The following GJA1 variants were observed in gnomAD, a reference collection of about 807,000 sequenced individuals.
The protein encoded by GJA1 is gap junction alpha-1 protein.
Under a neutral mutation model 31.0 loss-of-function variants are expected in GJA1, and 9 were observed. The observed-to-expected ratio is 0.29, with a 90% CI of 0.17 to 0.51. The LOEUF is 0.51. Ranked by LOEUF, GJA1 falls within the 20% of genes least tolerant of loss-of-function variation. The pLI is 0.98. For missense variants in GJA1, 278 were observed against 468.8 expected, an observed-to-expected ratio of 0.59 and a Z score of 3.76; for synonymous variants, 186 against 180.1, an observed-to-expected ratio of 1.03 and a Z score of -0.26.
chr6:121,447,048 C>T lies in GJA1; in HGVS notation c.201C>T (p.Asp67=), dbSNP rs1282411388. ...CTGGTTGTGAAAATGTCTGCTATGA[C>T]AAGTCTTTCCCAATCTCTCATGTGC... The part of the protein sequence containing the change: ...QQPGCENVCY[D]KSFPISHVRF... Residue 67 remains aspartate, a synonymous_variant, in exon 2 of 2, where the codon GAC becomes GAT. Transcript: ENST00000282561. 4 of 1,613,326 alleles carry T rather than the reference C, an allele frequency of 2.5e-6. No homozygotes were observed. The African/African-American group carries it at 5.3e-5, about 22-fold the overall frequency.
At chr6:121,438,685 A>G (rs991681440) in intron 1 of GJA1, among the ~76,000 whole-genome samples, 2 of 152,212 alleles carry the variant, frequency 1.3e-5, no homozygotes, top group Admixed American at 1.3e-4. Context: ...CGCACACACC[A>G]GTTCAACTCT....
rs140144121 is a variant in GJA1, at chr6:121,447,565, G to A, written c.718G>A (p.Val240Ile). Residue 240 changes from valine (V) to isoleucine (I), a missense_variant, in exon 2 of 2, where the codon GTT becomes ATT. By Grantham distance (29) the Val-to-Ile change is conservative. Coordinates refer to ENST00000282561, the MANE Select transcript of GJA1 (RefSeq NM_000165.5). ...TTTCTTCAAGGGCGTTAAGGATCGG[G>A]TTAAGGGAAAGAGCGACCCTTACCA... Reference protein sequence around the residue: ...YVFFKGVKDRVKGKSDPYHAT... With the variant: ...YVFFKGVKDRIKGKSDPYHAT... 11 of 1,613,850 alleles carry A rather than the reference G, an allele frequency of 6.8e-6. No homozygotes were observed. Among genetic ancestry groups the A allele is most frequent in the African/African-American group, 2.7e-5 (2 of 74,870 alleles).
chr6:121,438,763 A>T (rs1383585238), intron 1 of GJA1, among the ~76,000 whole-genome samples: 2 of 152,224 alleles, frequency 1.3e-5, no homozygotes, highest in Non-Finnish European at 2.9e-5. Context: ...TTCAAGTTTT[A>T]AAAAATCTCC....
intron 1 of GJA1, among the ~76,000 whole-genome samples, chr6:121,436,428 C>G (rs949918349): frequency 1.3e-5 from 2 of 152,074 alleles, no homozygotes; most frequent in African/African-American, 4.8e-5. Context: ...CTAGAATTTT[C>G]CCCATTAAAC....
At chr6:121,437,218 G>C (rs922944830) in intron 1 of GJA1, among the ~76,000 whole-genome samples, 1 of 152,170 alleles carries the variant, frequency 6.6e-6, no homozygotes, top group African/African-American at 2.4e-5. Flanking sequence ...TCAGGTCCGA[G>C]TTCGTCACTG....
chr6:121,445,688 T>C (rs1209715319), intron 1 of GJA1, among the ~76,000 whole-genome samples: 4 of 152,200 alleles, frequency 2.6e-5, no homozygotes, highest in Non-Finnish European at 4.4e-5. Context: ...AAATGAACTT[T>C]TTACATGAAG....
chr6:121,442,301 G>T (rs1407280833), intron 1 of GJA1, among the ~76,000 whole-genome samples: 1 of 152,210 alleles, frequency 6.6e-6, no homozygotes, highest in Non-Finnish European at 1.5e-5. Flanking sequence ...GGCATGGAAA[G>T]ACTTGACTGC....
At chr6:121,436,472 T>G (rs1182035764) in intron 1 of GJA1, among the ~76,000 whole-genome samples, 4 of 152,218 alleles carry the variant, frequency 2.6e-5, no homozygotes, top group Non-Finnish European at 4.4e-5. Context: ...ATTAATATTA[T>G]GCTTTAAAAA....
At chr6:121,436,728 CG>C (rs148349001) in intron 1 of GJA1, among the ~76,000 whole-genome samples, 4,687 of 152,224 alleles carry the variant, frequency 0.031, 146 homozygotes, top group African/African-American at 0.078. Context: ...TCTTAAACAG[CG>C]CTTTGGGAGC....
chr6:121,448,810 A>C lies in GJA1; in HGVS notation c.*814A>C, dbSNP rs1773935892. ...AATCAAGCCATGCTTAATATTTAAC[A>C]ATCACTTATATGTGTGTCGAAGAGT... On this transcript the variant is annotated 3_prime_UTR_variant, in exon 2 of 2. Transcript: ENST00000282561. The C allele has an allele frequency of 6.0e-6, 1 of 167,050 alleles. No homozygotes were observed. Among genetic ancestry groups the C allele is most frequent in the South Asian group, 2.1e-4 (1 of 4,834 alleles). 10.3% of individuals were successfully genotyped at this position (167,050 alleles called of 1,614,324 possible).
chr6:121,437,301 G>A (rs895364340), intron 1 of GJA1, among the ~76,000 whole-genome samples: 3 of 152,054 alleles, frequency 2.0e-5, no homozygotes, highest in Admixed American at 6.5e-5. Flanking sequence ...TAGAACAAAT[G>A]GTTGATTTAA....
At chr6:121,443,115 A>T (rs896912282) in intron 1 of GJA1, among the ~76,000 whole-genome samples, 1 of 152,210 alleles carries the variant, frequency 6.6e-6, no homozygotes, top group Non-Finnish European at 1.5e-5. Context: ...ACATATAATT[A>T]TGCCCTTTTA....
At chr6:121,440,912 TTTGTTGTTGTTG>T (rs59447853) in intron 1 of GJA1, among the ~76,000 whole-genome samples, 3,861 of 142,248 alleles carry the variant, frequency 0.027, 189 homozygotes, top group East Asian at 0.21. Flanking sequence ...TGGCTACTTT[TTTGTTGTTGTTG>T]TTGTTGTTGT....
At chr6:121,443,510 CT>C (rs1264372822) in intron 1 of GJA1, among the ~76,000 whole-genome samples, 4 of 152,280 alleles carry the variant, frequency 2.6e-5, no homozygotes, top group Non-Finnish European at 5.9e-5. Flanking sequence ...TAATGAAGAG[CT>C]GTCTGATGAC....
chr6:121,436,175 T>G (rs2114267118), intron 1 of GJA1, among the ~76,000 whole-genome samples: 1 of 62,226 alleles, frequency 1.6e-5, no homozygotes, highest in East Asian at 5.0e-4. Context: ...GGTGCTATCA[T>G]TTGTTGGGTG....
Position 121,447,459 on chromosome 6 carries a change from G to A in GJA1, c.612G>A (p.Thr204=), listed in dbSNP as rs766082259. The A allele has an allele frequency of 4.0e-5, 65 of 1,613,862 alleles. No individual in the cohort carries two copies. Among genetic ancestry groups the A allele is most frequent in the Admixed American group, 3.5e-4 (21 of 59,966 alleles). Residue 204 remains threonine (T), a synonymous_variant, in exon 2 of 2, where the codon ACG becomes ACA. Coordinates refer to ENST00000282561, the MANE Select transcript of GJA1 (RefSeq NM_000165.5). ...HQVDCFLSRP[T]EKTIFIIFML... is the part of the protein sequence containing the mutation. The stretch of plus-strand genomic sequence containing the variant: ...TGGACTGTTTCCTCTCTCGCCCCAC[G>A]GAGAAAACCATCTTCATCATCTTCA...
intron 1 of GJA1, 24 bp from the exon 2 acceptor site, chr6:121,446,808 G>A (rs1331444497): frequency 1.4e-6 from 2 of 1,450,090 alleles, no homozygotes; most frequent in Admixed American, 3.3e-5. Context: ...TGTGATCCTT[G>A]AATTGTCTCT....
At chr6:121,439,690 T>C (rs1582554147) in intron 1 of GJA1, among the ~76,000 whole-genome samples, 1 of 152,268 alleles carries the variant, frequency 6.6e-6, no homozygotes, top group Middle Eastern at 3.4e-3. Context: ...TCTCATCTCA[T>C]TAAGTGGATG....
chr6:121,446,293 C>T (rs556987297), intron 1 of GJA1, among the ~76,000 whole-genome samples: 4 of 136,060 alleles, frequency 2.9e-5, no homozygotes, highest in African/African-American at 8.2e-5. Context: ...GAAACACCAT[C>T]TTAAAAAAAA....
Sources: gnomAD v4.1 joint callset for allele counts (sites outside exome capture counted in the v4.1 genomes callset) on GRCh38, gnomAD v4.1.1 for gene constraint, MANE v1.5 for transcripts, NCBI Gene and HGNC (gene_info 2026-07-23, HGNC 2026-07-21) for gene names.